Variants in SHANK2 observed in about 807,000 individuals in gnomAD.
The protein encoded by SHANK2 is SH3 and multiple ankyrin repeat domains protein 2.
In SHANK2, 43 loss-of-function variants were observed where a neutral mutation model predicts 133.7. The ratio of observed to expected loss-of-function variants is 0.32; its 90% CI spans 0.25 to 0.41. The LOEUF (loss-of-function observed/expected upper bound fraction) is 0.41, where lower values mean the gene tolerates loss of function less well. SHANK2 is among the 10% of genes least tolerant of loss of function. SHANK2 has a pLI of 1.00. For synonymous variants in SHANK2, 1,017 were observed against 952.8 expected (o/e 1.07, Z -1.24); for missense variants, 1,994 against 2,235.8 (o/e 0.89, Z 2.18).
chr11:70,798,182 C>T (rs555964833), intron 14 of SHANK2, among the ~76,000 whole-genome samples: 25 of 152,300 alleles, frequency 1.6e-4, no homozygotes, highest in Admixed American at 4.6e-4. Flanking sequence ...CTAGAACATA[C>T]GGTCCAGGTT....
chr11:70,939,844 G>A (rs1950620598), intron 10 of SHANK2, among the ~76,000 whole-genome samples: 1 of 152,224 alleles, frequency 6.6e-6, no homozygotes, highest in Admixed American at 6.5e-5. Flanking sequence ...TAGATGTCAT[G>A]AAGTTAACGA....
At chr11:71,097,913 C>G (rs1445891923) in intron 6 of SHANK2, among the ~76,000 whole-genome samples, 11 of 149,724 alleles carry the variant, frequency 7.3e-5, no homozygotes. Context: ...TGTATGCACA[C>G]CTATGTGTGC....
At chr11:70,952,776 T>G in intron 10 of SHANK2, 1 of 324,172 alleles carries the variant, frequency 3.1e-6, no homozygotes, top group Non-Finnish European at 6.5e-6. Context: ...AGCAGAAGTG[T>G]GGGAACTGAC....
At chr11:71,182,205 C>A (rs985413036) in intron 2 of SHANK2, among the ~76,000 whole-genome samples, 1 of 152,058 alleles carries the variant, frequency 6.6e-6, no homozygotes, top group Non-Finnish European at 1.5e-5. Context: ...GTAAGTAGCA[C>A]GGCTGTCCAT....
intron 17 of SHANK2, among the ~76,000 whole-genome samples, chr11:70,622,045 C>T (rs2060836132): frequency 6.6e-6 from 1 of 152,188 alleles, no homozygotes; most frequent in South Asian, 2.1e-4. Flanking sequence ...CCTGGCCCAC[C>T]TTGCTGGGCT....
chr11:71,234,971 G>A (rs1954807063), intron 1 of SHANK2, among the ~76,000 whole-genome samples: 1 of 152,142 alleles, frequency 6.6e-6, no homozygotes, highest in Non-Finnish European at 1.5e-5. Context: ...CGAAACATGA[G>A]CTACCGTACA....
intron 2 of SHANK2, among the ~76,000 whole-genome samples, chr11:71,172,279 C>T (rs1953329807): frequency 6.6e-6 from 1 of 152,126 alleles, no homozygotes; most frequent in African/African-American, 2.4e-5. Context: ...GCAGGGGCCA[C>T]GGTGGGCCAC....
intron 17 of SHANK2, among the ~76,000 whole-genome samples, chr11:70,551,881 C>T (rs781843589): frequency 6.6e-6 from 1 of 152,160 alleles, no homozygotes; most frequent in Admixed American, 6.5e-5. Flanking sequence ...AGGACCCTGC[C>T]GTATGGCCTT....
intron 2 of SHANK2, among the ~76,000 whole-genome samples, chr11:71,171,403 G>A (rs1953311075): frequency 6.6e-6 from 1 of 152,190 alleles, no homozygotes; most frequent in African/African-American, 2.4e-5. Flanking sequence ...GCGGCTGCCT[G>A]GGGATCTGGG....
At chr11:70,754,050 G>C (rs1002428506) in intron 14 of SHANK2, among the ~76,000 whole-genome samples, 7 of 152,282 alleles carry the variant, frequency 4.6e-5, no homozygotes, top group Admixed American at 3.9e-4. Flanking sequence ...GACCTCAAGT[G>C]ATCCACCCAC....
chr11:70,812,501 G>T (rs1555053415), intron 12 of SHANK2, among the ~76,000 whole-genome samples: 1 of 152,234 alleles, frequency 6.6e-6, no homozygotes, highest in East Asian at 1.9e-4. Flanking sequence ...TACAGAGCTG[G>T]TCCTCACATC....
At chr11:70,507,381 C>T (rs534311499) in intron 17 of SHANK2, among the ~76,000 whole-genome samples, 22 of 152,370 alleles carry the variant, frequency 1.4e-4, no homozygotes, top group Admixed American at 9.8e-4. Context: ...TTTCTATTTC[C>T]TACGGGAGCC....
chr11:70,945,537 C>G (rs1255736873), intron 10 of SHANK2, among the ~76,000 whole-genome samples: 1 of 152,218 alleles, frequency 6.6e-6, no homozygotes, highest in African/African-American at 2.4e-5. Flanking sequence ...CACCTCACCA[C>G]AACCACTTCT....
At chr11:70,686,803 G>A (rs1418278974) in intron 15 of SHANK2, among the ~76,000 whole-genome samples, 2 of 152,208 alleles carry the variant, frequency 1.3e-5, no homozygotes, top group East Asian at 3.9e-4. Flanking sequence ...CCAGGCTTTG[G>A]GCAGAGGCGG....
intron 4 of SHANK2, among the ~76,000 whole-genome samples, chr11:71,116,241 C>T (rs1443214738): frequency 1.3e-5 from 2 of 152,242 alleles, no homozygotes; most frequent in African/African-American, 4.8e-5. Flanking sequence ...CAAGTGCCAG[C>T]TGCAATTACA....
intron 10 of SHANK2, among the ~76,000 whole-genome samples, chr11:70,940,485 C>T (rs574772162): frequency 6.6e-6 from 1 of 151,980 alleles, no homozygotes; most frequent in Non-Finnish European, 1.5e-5. Context: ...GAACTCTTAA[C>T]CTCGTGATCC....
intron 8 of SHANK2, among the ~76,000 whole-genome samples, chr11:71,076,340 C>T (rs1022233517): frequency 7.2e-5 from 11 of 152,112 alleles, no homozygotes; most frequent in Admixed American, 5.2e-4. Context: ...AAGGGGTTCT[C>T]ATGAATCCTG....
chr11:70,794,429 T>C (rs1188846428), intron 14 of SHANK2, among the ~76,000 whole-genome samples: 5 of 152,042 alleles, frequency 3.3e-5, no homozygotes, highest in African/African-American at 1.2e-4. Flanking sequence ...AAATCTATGG[T>C]GACAGAAATC....
chr11:70,553,002 C>A (rs2136091308), intron 17 of SHANK2, among the ~76,000 whole-genome samples: 1 of 152,256 alleles, frequency 6.6e-6, no homozygotes, highest in South Asian at 2.1e-4. Flanking sequence ...ATGTGGTCAT[C>A]CCTCTGTGCA....
Sources: gnomAD v4.1 joint callset for allele counts (sites outside exome capture counted in the v4.1 genomes callset) on GRCh38, gnomAD v4.1.1 for gene constraint, MANE v1.5 for transcripts, NCBI Gene and HGNC (gene_info 2026-07-23, HGNC 2026-07-21) for gene names.